FBXO25: variants seen among roughly 807,000 people sequenced by gnomAD.
The protein encoded by FBXO25 is F-box only protein 25.
FBXO25 carries 45 observed loss-of-function variants against 51.9 expected under a neutral mutation model. That is an observed-to-expected ratio of 0.87 (90% CI 0.68 to 1.11). The LOEUF (loss-of-function observed/expected upper bound fraction) is 1.11. FBXO25 is among the 50% of genes most tolerant of loss of function. FBXO25 has a pLI of 0.00. For missense variants in FBXO25, 507 were observed against 428.5 expected (o/e 1.18, Z -1.62); for synonymous variants, 199 against 151.0 (o/e 1.32, Z -2.33).
chr8:432,025 C>G (rs1797847541), intron 3 of FBXO25, among the ~76,000 whole-genome samples: 1 of 152,092 alleles, frequency 6.6e-6, no homozygotes, highest in Non-Finnish European at 1.5e-5. Context: ...TATATACACA[C>G]TTATAATAAA....
At chr8:459,146 C>T (rs920242108) in intron 8 of FBXO25, among the ~76,000 whole-genome samples, 12 of 152,208 alleles carry the variant, frequency 7.9e-5, no homozygotes, top group African/African-American at 2.7e-4. Context: ...ACTGGGGGTT[C>T]CCCTCGTCAC....
At chr8:455,543 G>A (rs143610099) in intron 7 of FBXO25, among the ~76,000 whole-genome samples, 2 of 152,298 alleles carry the variant, frequency 1.3e-5, no homozygotes, top group South Asian at 2.1e-4. Flanking sequence ...GCTGGACCTC[G>A]ATCTTGGGCA....
chr8:435,340 A>T, intron 4 of FBXO25: 1 of 452,680 alleles, frequency 2.2e-6, no homozygotes, highest in Non-Finnish European at 3.9e-6. Context: ...CCAACAAAAC[A>T]AACCGGCAAG....
chr8:428,888 T>C (rs146187175), intron 2 of FBXO25, among the ~76,000 whole-genome samples: 12,740 of 152,274 alleles, frequency 0.084, 682 homozygotes, highest in African/African-American at 0.15. Context: ...TCAGACTGAA[T>C]AATATTCCAT....
In FBXO25 at chr8:449,990, C is replaced by G. The variant is rs192055132; in HGVS notation, c.382C>G (p.Leu128Val). 6.2e-6 allele frequency: 10 copies of G among 1,605,610 alleles called. No individual in the cohort carries two copies. The highest frequency in any genetic ancestry group is 6.8e-6 in the Non-Finnish European group (8 of 1,175,068). The change falls in exon 6 of 10, where the codon CTG (leucine) becomes GTG (valine). Residue 128 changes from leucine to valine, a missense_variant and splice_region_variant. Physicochemically the swap from Leu to Val is conservative, Grantham distance 32. Transcript: ENST00000350302. ...AGCTTTTTTCCGTCTTTCCTTTAAG[C>G]TGTTGCAGCTAATTGCAAAATCCCA... The part of the protein sequence containing the change: ...DIRRFNYVVK[L>V]LQLIAKSQLT...
chr8:473,716 G>C lies in FBXO25; in HGVS notation c.*4912G>C, dbSNP rs118003556. 2 of 147,900 alleles carry C rather than the reference G, an allele frequency of 1.4e-5. No individual in the cohort carries two copies. Among genetic ancestry groups the C allele is most frequent in the Admixed American group, 6.8e-5 (1 of 14,654 alleles). The allele number at this position is 147,900 out of a possible 1,614,324, so 9.2% of individuals were successfully genotyped here. A position where few individuals can be genotyped will look rare whatever the true frequency, so the allele number is the denominator to read the frequency against. ...CATAACCAGCGTTCACTGAGGATGC[G>C]GTTTCTTTGAAATGCTCTTGTTCTT... On this transcript the variant is annotated 3_prime_UTR_variant, in exon 10 of 10. Transcript: ENST00000350302.
intron 5 of FBXO25, 39 bp from the exon 6 acceptor site, chr8:449,949 AAT>A: frequency 7.4e-7 from 1 of 1,344,942 alleles, no homozygotes; most frequent in Admixed American, 1.9e-5. Context: ...TTCCATATTA[AAT>A]ATATATATCG....
At chr8:407,661 T>C (rs1387581069) in intron 1 of FBXO25, among the ~76,000 whole-genome samples, 2 of 152,072 alleles carry the variant, frequency 1.3e-5, no homozygotes, top group Non-Finnish European at 2.9e-5. Flanking sequence ...GGCTCGGTCC[T>C]TGCCTCTTCG....
At chr8:425,244 T>A (rs1419358040) in intron 2 of FBXO25, among the ~76,000 whole-genome samples, 13 of 152,092 alleles carry the variant, frequency 8.5e-5, no homozygotes, top group Non-Finnish European at 1.6e-4. Context: ...TATCACCAAG[T>A]GTATATTCCT....
intron 5 of FBXO25, 92 bp from the exon 6 acceptor site, chr8:449,898 G>C (rs1358752036): frequency 2.3e-6 from 2 of 858,796 alleles, no homozygotes; most frequent in East Asian, 2.5e-5. Context: ...TGGCATGTTA[G>C]AAATCTTCAT....
intron 5 of FBXO25, among the ~76,000 whole-genome samples, chr8:440,610 TA>T (rs1798368686): frequency 6.6e-6 from 1 of 151,988 alleles, no homozygotes; most frequent in African/African-American, 2.4e-5. Context: ...AATTATACTT[TA>T]AGTTCTGGTA....
At chr8:456,556 A>G (rs1057509255) in intron 7 of FBXO25, among the ~76,000 whole-genome samples, 1 of 152,306 alleles carries the variant, frequency 6.6e-6, no homozygotes, top group Admixed American at 6.5e-5. Flanking sequence ...AGCCTACAAC[A>G]GGGCTGACAT....
intron 1 of FBXO25, among the ~76,000 whole-genome samples, chr8:409,673 G>C (rs1045424635): frequency 7.9e-5 from 12 of 152,114 alleles, no homozygotes; most frequent in Non-Finnish European, 1.3e-4. Context: ...TTTCAGCTGA[G>C]GATACCGGGA....
Position 474,526 on chromosome 8 carries a change from G to A in FBXO25, c.*5722G>A, listed in dbSNP as rs1800585120. ...TTTTACATTCCCACTGAAGGTTCCAGTTTTGCCACATCCTTGCCAACACCT... is the reference window on the plus strand; with the variant it reads ...TTTTACATTCCCACTGAAGGTTCCAATTTTGCCACATCCTTGCCAACACCT... On this transcript the variant is annotated 3_prime_UTR_variant, in exon 10 of 10. Transcript: ENST00000350302. The A allele has an allele frequency of 5.8e-6, 2 of 344,666 alleles. No individual in the cohort carries two copies. Among genetic ancestry groups the A allele is most frequent in the South Asian group, 2.3e-5 (1 of 43,992 alleles). 21.4% of individuals were successfully genotyped at this position (344,666 alleles called of 1,614,324 possible). A position where few individuals can be genotyped will look rare whatever the true frequency, so the allele number is the denominator to read the frequency against.
Position 468,999 on chromosome 8 carries a change from C to A in FBXO25, c.*195C>A. ...ACTGAAAGTCAGAGGCCAAGGAAAT[C>A]ATTTCTACTTCTTTAAAAACTCCTT... On this transcript the variant is annotated 3_prime_UTR_variant, in exon 10 of 10. Coordinates refer to ENST00000350302, the MANE Select transcript of FBXO25 (RefSeq NM_183420.2). 5.4e-6 allele frequency: 3 copies of A among 552,150 alleles called. No homozygotes were observed. The South Asian group carries it at 7.4e-5, about 14-fold the overall frequency. 34.2% of individuals were successfully genotyped at this position (552,150 alleles called of 1,614,324 possible). A position where few individuals can be genotyped will look rare whatever the true frequency, so the allele number is the denominator to read the frequency against.
intron 5 of FBXO25, among the ~76,000 whole-genome samples, chr8:448,064 C>T (rs571301590): frequency 2.6e-5 from 4 of 152,062 alleles, no homozygotes; most frequent in South Asian, 4.2e-4. Flanking sequence ...AGAATGAAAC[C>T]GTAATCATGA....
At chr8:437,663 T>C (rs926367755) in intron 5 of FBXO25, among the ~76,000 whole-genome samples, 16 of 152,294 alleles carry the variant, frequency 1.1e-4, no homozygotes, top group Admixed American at 8.5e-4. Flanking sequence ...GGCTCCTCCA[T>C]GTCCCCATCC....
chr8:464,551 C>CA (rs1757937576), intron 9 of FBXO25, among the ~76,000 whole-genome samples: 1 of 152,192 alleles, frequency 6.6e-6, no homozygotes, highest in Non-Finnish European at 1.5e-5. Context: ...TGATAGACAC[C>CA]ATAACCTTTT....
At chr8:431,643 T>C (rs1255983513) in intron 3 of FBXO25, among the ~76,000 whole-genome samples, 199 bp downstream of exon 3, 1 of 152,116 alleles carries the variant, frequency 6.6e-6, no homozygotes, top group Non-Finnish European at 1.5e-5. Flanking sequence ...AAAAACAAAA[T>C]AAGAGATAGC....
Sources: gnomAD v4.1 joint callset for allele counts (sites outside exome capture counted in the v4.1 genomes callset) on GRCh38, gnomAD v4.1.1 for gene constraint, MANE v1.5 for transcripts, NCBI Gene and HGNC (gene_info 2026-07-23, HGNC 2026-07-21) for gene names.